SAMD4A: variants seen among roughly 807,000 people sequenced by gnomAD.
SAMD4A encodes sterile alpha motif domain containing 4A.
In SAMD4A, 33 loss-of-function variants were observed where a neutral mutation model predicts 81.3. The observed-to-expected ratio is 0.41, with a 90% CI of 0.31 to 0.54. The LOEUF is 0.54. Among genes scored for constraint, SAMD4A ranks in the 20% least tolerant of loss-of-function variants. The pLI is 0.37. For synonymous variants in SAMD4A, 389 were observed against 382.1 expected, an observed-to-expected ratio of 1.02 and a Z score of -0.21; for missense variants, 854 against 951.1, an observed-to-expected ratio of 0.90 and a Z score of 1.34.
At chr14:54,568,191 G>A (rs2033001412) in intron 2 of SAMD4A, 79 bp downstream of exon 2, 1 of 1,284,458 alleles carries the variant, frequency 7.8e-7, no homozygotes, top group African/African-American at 1.6e-5. Flanking sequence ...CTCGGGCCAG[G>A]CCGAGGCCAG....
intron 9 of SAMD4A, among the ~76,000 whole-genome samples, chr14:54,770,983 T>C (rs757491256): frequency 2.0e-5 from 3 of 152,132 alleles, no homozygotes; most frequent in Non-Finnish European, 2.9e-5. Context: ...TTTTAAAACA[T>C]GAGCAGATAA....
At chr14:54,623,860 A>G (rs2034680985) in intron 2 of SAMD4A, among the ~76,000 whole-genome samples, 1 of 152,228 alleles carries the variant, frequency 6.6e-6, no homozygotes, top group Admixed American at 6.5e-5. Context: ...CTTCTCCTCT[A>G]ACTTAACCAG....
intron 2 of SAMD4A, among the ~76,000 whole-genome samples, chr14:54,623,717 G>T (rs2034678030): frequency 6.6e-6 from 1 of 152,124 alleles, no homozygotes; most frequent in African/African-American, 2.4e-5. Flanking sequence ...GAACATAGCT[G>T]GGGGATAACA....
At chr14:54,690,519 C>T (rs72713415) in intron 2 of SAMD4A, among the ~76,000 whole-genome samples, 3 of 151,972 alleles carry the variant, frequency 2.0e-5, no homozygotes, top group Middle Eastern at 3.4e-3. Context: ...TACAGTGTTG[C>T]CTGTTGGTTC....
chr14:54,770,037 A>T, intron 8 of SAMD4A, 67 bp from the exon 9 acceptor site: 1 of 974,820 alleles, frequency 1.0e-6, no homozygotes, highest in Non-Finnish European at 1.6e-6. Flanking sequence ...TCCCCTTATT[A>T]ATTGCATGTT....
chr14:54,753,285 C>A, intron 6 of SAMD4A, among the ~76,000 whole-genome samples: 1 of 152,260 alleles, frequency 6.6e-6, no homozygotes, highest in Non-Finnish European at 1.5e-5. Flanking sequence ...GACAGAGGTC[C>A]CTGCGGCTTT....
chr14:54,693,406 G>A (rs2036500225), intron 2 of SAMD4A: 1 of 152,112 alleles, frequency 6.6e-6, no homozygotes, highest in Non-Finnish European at 1.5e-5. Context: ...CAAACAAAAG[G>A]CCATAATTAG....
intron 12 of SAMD4A, among the ~76,000 whole-genome samples, chr14:54,786,939 G>C (rs372649435): frequency 1.3e-5 from 2 of 152,214 alleles, no homozygotes; most frequent in East Asian, 3.9e-4. Context: ...GGGAAGCCTC[G>C]TAAGCAGTTT....
chr14:54,777,865 A>G (rs974039202), intron 11 of SAMD4A, among the ~76,000 whole-genome samples: 8 of 152,228 alleles, frequency 5.3e-5, no homozygotes, highest in Non-Finnish European at 7.3e-5. Flanking sequence ...GCACCAAAAT[A>G]TAACAATATA....
intron 2 of SAMD4A, among the ~76,000 whole-genome samples, chr14:54,646,190 T>G (rs953769532): frequency 6.6e-5 from 10 of 152,212 alleles, no homozygotes; most frequent in African/African-American, 2.4e-4. Context: ...ATTATGTGAT[T>G]CCATTAATTG....
chr14:54,784,786 C>G (rs1449013694), intron 12 of SAMD4A, among the ~76,000 whole-genome samples, 166 bp downstream of exon 12: 1 of 152,152 alleles, frequency 6.6e-6, no homozygotes, highest in Admixed American at 6.6e-5. Flanking sequence ...ACTGTTGGAC[C>G]ATTTTCCAGC....
At chr14:54,717,083 G>A (rs1594851838) in intron 3 of SAMD4A, among the ~76,000 whole-genome samples, 1 of 152,294 alleles carries the variant, frequency 6.6e-6, no homozygotes, top group East Asian at 1.9e-4. Flanking sequence ...GAGAATTTGG[G>A]TGTAGTCATG....
chr14:54,751,858 G>A (rs2038110448), intron 6 of SAMD4A, among the ~76,000 whole-genome samples: 1 of 152,188 alleles, frequency 6.6e-6, no homozygotes, highest in African/African-American at 2.4e-5. Context: ...AGAGATCAGT[G>A]AGGTGTCCAG....
Position 54,771,059 on chromosome 14 carries a change from C to T in SAMD4A, c.1715+837C>T, listed in dbSNP as rs534250330. Among the ~76,000 whole-genome samples the T allele has an allele frequency of 3.9e-5, 6 of 152,246 alleles. No individual in the cohort carries two copies. In the South Asian group the frequency reaches 1.0e-3, roughly 26 times the overall value. On this transcript the variant is annotated intron_variant, in intron 9 of 12. Coordinates refer to ENST00000554335, the MANE Select transcript of SAMD4A (RefSeq NM_015589.6). ...TTCTCGGTGCATGTATAGAAGCTCT[C>T]TGCCCGTGGTGTTAAAATTTTGGGC...
chr14:54,626,059 TGCGCGCGCGCGCGCGC>T (rs113491666), intron 2 of SAMD4A, among the ~76,000 whole-genome samples: 1 of 102,096 alleles, frequency 9.8e-6, no homozygotes, highest in East Asian at 2.7e-4. Context: ...TGTGTGTGTG[TGCGCGCGCGCGCGCGC>T]GAGTGCGCAC....
chr14:54,764,606 C>G, intron 8 of SAMD4A, 66 bp downstream of exon 8: 1 of 1,053,766 alleles, frequency 9.5e-7, no homozygotes, highest in Non-Finnish European at 1.4e-6. Context: ...CTCAGAGTTT[C>G]TGTGATGTGA....
At chr14:54,637,096 A>G (rs145100640) in intron 2 of SAMD4A, among the ~76,000 whole-genome samples, 55 of 152,088 alleles carry the variant, frequency 3.6e-4, no homozygotes, top group African/African-American at 1.2e-3. Context: ...CAGGCCTGGT[A>G]GCTCACGCCT....
At chr14:54,783,100 T>C (rs1448407371) in intron 11 of SAMD4A, among the ~76,000 whole-genome samples, 1 of 152,066 alleles carries the variant, frequency 6.6e-6, no homozygotes, top group Non-Finnish European at 1.5e-5. Flanking sequence ...TGGGACTTTT[T>C]TTCTGCCTCT....
rs374429893 is a variant in SAMD4A, at chr14:54,775,029, G to A, written c.1811G>A (p.Arg604Gln). The A allele has an allele frequency of 4.3e-6, 7 of 1,614,196 alleles. No homozygotes were observed. Among genetic ancestry groups the A allele is most frequent in the South Asian group, 3.3e-5 (3 of 91,088 alleles). ...RNPRQYQIPS[R>Q]NVPSARLGLL... The stretch of plus-strand genomic sequence containing the variant: ...CCGCGCCAGTACCAGATCCCCTCTC[G>A]GAACGTCCCTTCCGCCCGCCTGGGC... The change falls in exon 10 of 13, where the codon CGG becomes CAG. Residue 604 changes from arginine (R) to glutamine (Q), a missense_variant. By Grantham distance (43) the Arg-to-Gln change is conservative (BLOSUM62 1). This residue lies in a region of SAMD4A where 428 missense variants were observed against 471.2 expected (regional missense o/e 0.91). Coordinates refer to ENST00000554335, the MANE Select transcript of SAMD4A (RefSeq NM_015589.6).
Sources: gnomAD v4.1 joint callset for allele counts (sites outside exome capture counted in the v4.1 genomes callset) on GRCh38, gnomAD v4.1.1 for gene constraint, gnomAD v4.1.1 regional missense constraint, MANE v1.5 for transcripts, NCBI Gene and HGNC (gene_info 2026-07-23, HGNC 2026-07-21) for gene names.